KDM5C: variants seen among roughly 807,000 people sequenced by gnomAD.
KDM5C encodes the protein lysine demethylase 5C.
A neutral mutation model predicts 110.6 loss-of-function variants in KDM5C; 16 were observed. That is an observed-to-expected ratio of 0.14 (90% CI 0.10 to 0.22). The LOEUF is 0.22. Ranked by LOEUF, KDM5C falls within the 10% of genes least tolerant of loss-of-function variation. The pLI is 1.00. For synonymous variants in KDM5C, 511 were observed against 520.4 expected, an observed-to-expected ratio of 0.98 and a Z score of 0.24; for missense variants, 681 against 1,300.9, an observed-to-expected ratio of 0.52 and a Z score of 7.33.
rs782391730 is a variant in KDM5C, at chrX:53,196,790, A to G, written c.2877T>C (p.Ser959=). ...TATCCACAGCAGGGCTAGGGGCTAC[A>G]CTGGCACCCGCGACCAACAGTCCTC... ...VMRGLLVAGA[S]VAPSPAVDKA... The change falls in exon 19 of 26, where the codon AGT becomes AGC. Residue 959 remains serine, a synonymous_variant. Coordinates refer to ENST00000375401, the MANE Select transcript of KDM5C (RefSeq NM_004187.5). 53 of 1,211,307 alleles carry G rather than the reference A, an allele frequency of 4.4e-5. No homozygotes were observed. The South Asian group carries it at 9.1e-4, about 21-fold the overall frequency.
exon 26 of KDM5C, among the ~76,000 whole-genome samples, chrX:53,176,407 G>A (rs782165500): frequency 8.9e-6 from 1 of 112,252 alleles, no homozygotes; most frequent in African/African-American, 3.2e-5. Context: ...ACAAGAATTA[G>A]GGAGGAGTAA....
At position 53,193,157 on chromosome X, in the gene KDM5C, A is replaced by T; in HGVS notation, c.4493T>A (p.Leu1498Gln). The T allele has an allele frequency of 1.7e-6, 2 of 1,210,362 alleles. No homozygotes were observed. Among genetic ancestry groups the T allele is most frequent in the South Asian group, 3.5e-5 (2 of 56,915 alleles). Reference protein sequence around the residue: ...EAEEVQEEEELEEETGGEGPP... With the variant: ...EAEEVQEEEEQEEETGGEGPP... ...GCCCTCACCCCCAGTCTCCTCCTCC[A>T]GCTCTTCCTCCTCCTGGACCTCCTC... Residue 1498 changes from leucine to glutamine, a missense_variant, in exon 26 of 26, where the codon CTG becomes CAG. Leu to Gln is a moderately radical substitution (Grantham distance 113, BLOSUM62 -2). Around this residue, in one of 14 missense-constraint regions of KDM5C, gnomAD observed 115 missense variants for 120.9 expected, o/e 0.95. Transcript: ENST00000375401.
rs1934693205 is a variant in KDM5C, at chrX:53,194,719, C to T, written c.3458G>A (p.Gly1153Glu). The change falls in exon 23 of 26, where the codon GGG (glycine) becomes GAG (glutamate). Residue 1153 changes from glycine to glutamate, a missense_variant. Physicochemically the swap from Gly to Glu is moderately conservative, Grantham distance 98. Coordinates refer to ENST00000375401, the MANE Select transcript of KDM5C (RefSeq NM_004187.5). The part of the protein sequence containing the change: ...PGSVIVAFKE[G>E]EQKEKEGILQ... ...GATACCCTCCTTCTCCTTCTGTTCC[C>T]CCTCCTTGAAGGCCACGATCTGCCA... 1 of 1,210,877 alleles carries T rather than the reference C, an allele frequency of 8.3e-7. No individual in the cohort carries two copies.
At chrX:53,224,451 G>C (rs1020012142) in intron 1 of KDM5C, among the ~76,000 whole-genome samples, 1 of 111,816 alleles carries the variant, frequency 8.9e-6, no homozygotes, top group Admixed American at 9.4e-5. Context: ...GATGTGCGGG[G>C]TGCCTCTCTG....
chrX:53,197,611 A>G (rs1223298056), intron 18 of KDM5C, 160 bp downstream of exon 18: 2 of 488,427 alleles, frequency 4.1e-6, no homozygotes, highest in Non-Finnish European at 7.3e-6. Context: ...CTAACAGACA[A>G]GTCACTAGAC....
intron 14 of KDM5C, among the ~76,000 whole-genome samples, chrX:53,199,979 T>C (rs1439797006): frequency 9.0e-6 from 1 of 111,413 alleles, no homozygotes; most frequent in Non-Finnish European, 1.9e-5. Flanking sequence ...TCATTTAACG[T>C]CTCTGGGTCT....
chrX:53,221,119 G>A (rs782198661), intron 1 of KDM5C, among the ~76,000 whole-genome samples: 7 of 85,602 alleles, frequency 8.2e-5, no homozygotes, highest in Non-Finnish European at 1.1e-4. Flanking sequence ...CCTCAAGTCT[G>A]CACCCAAGGC....
chrX:53,197,158 A>G (rs1416115361), intron 18 of KDM5C, 114 bp from the exon 19 acceptor site: 12 of 571,899 alleles, frequency 2.1e-5, no homozygotes, highest in African/African-American at 1.8e-4. Flanking sequence ...TTTGGGGCAA[A>G]GGAGCCTAAC....
chrX:53,197,919 C>T (rs1556838887), intron 17 of KDM5C, 43 bp from the exon 18 acceptor site: 1 of 951,517 alleles, frequency 1.1e-6, no homozygotes, highest in Non-Finnish European at 1.5e-6. Flanking sequence ...AAACTCAGTG[C>T]CTTCCCTCCA....
chrX:53,213,427 A>AT (rs1203795171), intron 8 of KDM5C, among the ~76,000 whole-genome samples: 2 of 112,106 alleles, frequency 1.8e-5, no homozygotes, highest in Non-Finnish European at 3.8e-5. Flanking sequence ...TCCCTAAGAT[A>AT]AGGCGAATGT....
chrX:53,195,434 C>T, intron 20 of KDM5C, 24 bp from the exon 21 acceptor site: 1 of 1,170,759 alleles, frequency 8.5e-7, no homozygotes, highest in Admixed American at 2.3e-5. Context: ...CGAGAGACAG[C>T]TCAGTTCAAC....
chrX:53,192,861 A>AGC lies in KDM5C; in HGVS notation c.*105_*106insGC. 4.0e-6 allele frequency: 2 copies of AGC among 502,008 alleles called. No homozygotes were observed. The highest frequency in any genetic ancestry group is 5.8e-6 in the Non-Finnish European group (2 of 347,653). 41.4% of individuals were successfully genotyped at this position (502,008 alleles called of 1,213,427 possible). A position where few individuals can be genotyped will look rare whatever the true frequency, so the allele number is the denominator to read the frequency against. On this transcript the variant is annotated 3_prime_UTR_variant, in exon 26 of 26. Transcript: ENST00000375401. ...GGGTGGGCGGGTAGCAGGGATGGCC[A>AGC]CCCCCCTACCCGCCCACCCCCCAAG...
At position 53,197,833 on chromosome X, in the gene KDM5C, G is replaced by A. The variant is rs782562716; in HGVS notation, c.2560C>T (p.Arg854Trp). The change falls in exon 18 of 26, where the codon CGG (arginine) becomes TGG (tryptophan). Residue 854 changes from arginine to tryptophan, a missense_variant. Coordinates refer to ENST00000375401, the MANE Select transcript of KDM5C (RefSeq NM_004187.5). Reference protein sequence around the residue: ...AGLQMTLTELRAFLDQMNNLP... With the variant: ...AGLQMTLTELWAFLDQMNNLP... ...TTGTTCATCTGGTCCAGAAAGGCCC[G>A]GAGCTCAGTCAGGGTCATCTGTAGA... The A allele has an allele frequency of 1.1e-5, 13 of 1,202,790 alleles. No homozygotes were observed. Among genetic ancestry groups the A allele is most frequent in the South Asian group, 1.8e-5 (1 of 55,215 alleles).
At chrX:53,187,510 C>A (rs1934253159), downstream of KDM5C, among the ~76,000 whole-genome samples, 1 of 111,360 alleles carries the variant, frequency 9.0e-6, no homozygotes, top group African/African-American at 3.3e-5. Flanking sequence ...TTATGTCTCC[C>A]ATTTCCCCTC....
At chrX:53,197,515 T>C in intron 18 of KDM5C, 1 of 389,345 alleles carries the variant, frequency 2.6e-6, no homozygotes, top group East Asian at 4.4e-5. Context: ...GTTACCTCCT[T>C]CTCCTCTACC....
intron 8 of KDM5C, chrX:53,214,381 A>G: frequency 3.7e-6 from 1 of 270,207 alleles, no homozygotes; most frequent in Non-Finnish European, 6.6e-6. Context: ...TATTACCCTT[A>G]GCTATTTTCC....
Position 53,218,378 on chromosome X carries a change from C to T in KDM5C, c.249G>A (p.Leu83=). Reference sequence around the variant, plus strand: ...ATTTGGCAATCTGGTCCAAGTAGTTCAGTTTCACTCTCGTCTGGGCCTGAA... The same window carrying T: ...ATTTGGCAATCTGGTCCAAGTAGTTTAGTTTCACTCTCGTCTGGGCCTGAA... ...NELEAQTRVK[L]NYLDQIAKFW... The change falls in exon 3 of 26, where the codon CTG becomes CTA. Residue 83 remains leucine (L), a synonymous_variant. Transcript: ENST00000375401. The T allele has an allele frequency of 8.3e-7, 1 of 1,211,093 alleles. No homozygotes were observed. Among genetic ancestry groups the T allele is most frequent in the Non-Finnish European group, 1.1e-6 (1 of 895,189 alleles).
At chrX:53,187,124 A>G (rs187969828), downstream of KDM5C, among the ~76,000 whole-genome samples, 54 of 111,683 alleles carry the variant, frequency 4.8e-4, no homozygotes, top group South Asian at 3.1e-3. Context: ...CATGGAGGTT[A>G]TGCATGGACT....
At chrX:53,212,890 A>C (rs1335635703) in intron 8 of KDM5C, among the ~76,000 whole-genome samples, 1 of 110,213 alleles carries the variant, frequency 9.1e-6, no homozygotes, top group Admixed American at 9.6e-5. Context: ...AATCCCAGCT[A>C]CTCAGGAGGC....
Sources: gnomAD v4.1 joint callset for allele counts (sites outside exome capture counted in the v4.1 genomes callset) on GRCh38, gnomAD v4.1.1 for gene constraint, gnomAD v4.1.1 regional missense constraint, MANE v1.5 for transcripts, NCBI Gene and HGNC (gene_info 2026-07-23, HGNC 2026-07-21) for gene names.